SIRT1: variants seen among roughly 807,000 people sequenced by gnomAD.
SIRT1 encodes sirtuin 1, also known as NAD-dependent protein deacetylase sirtuin-1.
In SIRT1, 24 loss-of-function variants were observed where a neutral mutation model predicts 67.9. The ratio of observed to expected loss-of-function variants is 0.35; its 90% CI spans 0.26 to 0.50. The LOEUF (loss-of-function observed/expected upper bound fraction) is 0.50, where lower values mean the gene tolerates loss of function less well. Among genes scored for constraint, SIRT1 ranks in the 20% least tolerant of loss-of-function variants. The pLI is 0.98. For synonymous variants in SIRT1, 378 were observed against 350.7 expected, an observed-to-expected ratio of 1.08 and a Z score of -0.87; for missense variants, 873 against 937.2, an observed-to-expected ratio of 0.93 and a Z score of 0.89.
At chr10:67,915,878 AATTT>A (rs2029893360) in intron 8 of SIRT1, among the ~76,000 whole-genome samples, 2 of 152,182 alleles carry the variant, frequency 1.3e-5, no homozygotes, top group Admixed American at 6.5e-5. Context: ...GGGTTGTGAA[AATTT>A]ATTTCATATT....
intron 6 of SIRT1, 94 bp downstream of exon 6, chr10:67,908,219 T>C: frequency 1.0e-6 from 1 of 1,000,080 alleles, no homozygotes; most frequent in Admixed American, 2.3e-5. Context: ...AAAGTATATA[T>C]GGTACAGAAA....
At chr10:67,887,813 T>TCCC (rs1842509590) in intron 2 of SIRT1, among the ~76,000 whole-genome samples, 1 of 152,212 alleles carries the variant, frequency 6.6e-6, no homozygotes, top group African/African-American at 2.4e-5. Context: ...CGACCTCAGG[T>TCCC]GATCCGTCCG....
chr10:67,884,762 C>T lies in SIRT1; in HGVS notation c.41C>T (p.Ser14Phe), dbSNP rs1842447601. The change falls in exon 1 of 9, where the codon TCC becomes TTC. Residue 14 changes from serine to phenylalanine, a missense_variant. Coordinates refer to ENST00000212015, the MANE Select transcript of SIRT1 (RefSeq NM_012238.5). ...GCCCTCGCCCTTCAGCCCGGCGGCT[C>T]CCCCTCGGCGGCGGGGGCCGACAGG... Reference protein sequence around the residue: ...EAALALQPGGSPSAAGADREA... With the variant: ...EAALALQPGGFPSAAGADREA... The T allele has an allele frequency of 6.5e-6, 8 of 1,228,440 alleles. No individual in the cohort carries two copies. The highest frequency in any genetic ancestry group is 3.1e-4 in the Middle Eastern group (1 of 3,200). The allele number at this position is 1,228,440 out of a possible 1,614,324, so 76.1% of individuals were successfully genotyped here. A position where few individuals can be genotyped will look rare whatever the true frequency, so the allele number is the denominator to read the frequency against.
rs560035440 is a variant in SIRT1, at chr10:67,884,717, G to A, written c.-5G>A. 6 of 1,228,990 alleles carry A rather than the reference G, an allele frequency of 4.9e-6. No homozygotes were observed. The highest frequency in any genetic ancestry group is 4.1e-5 in the South Asian group (1 of 24,162). 76.1% of individuals were successfully genotyped at this position (1,228,990 alleles called of 1,614,324 possible). On this transcript the variant is annotated 5_prime_UTR_variant, in exon 1 of 9. Transcript: ENST00000212015. ...AGGGAGGAGGGCCAGAGAGGCAGTT[G>A]GAAGATGGCGGACGAGGCGGCCCTC...
rs144385621 is a variant in SIRT1, at chr10:67,910,842, A to C, written c.1357+1400A>C. Among the ~76,000 whole-genome samples, 3 of 152,252 alleles carry C rather than the reference A, an allele frequency of 2.0e-5. 1 individual carries two copies. The highest frequency in any genetic ancestry group is 7.2e-5 in the African/African-American group (3 of 41,552). ...TCCTCTAGTTTAGAATCAGAGGAGG[A>C]GAGAGAGAGATTTCAGTTGCATCAG... On this transcript the variant is annotated intron_variant, in intron 7 of 8. Coordinates refer to ENST00000212015, the MANE Select transcript of SIRT1 (RefSeq NM_012238.5).
Position 67,916,319 on chromosome 10 carries a change from T to A in SIRT1, c.1970T>A (p.Val657Glu). ...PNRYIFHGAE[V>E]YSDSEDDVLS... is the part of the protein sequence containing the mutation. ...CGTTACATTTTCCATGGCGCTGAGG[T>A]ATATTCAGACTCTGAAGATGACGTC... Residue 657 changes from valine to glutamate, a missense_variant, in exon 9 of 9, where the codon GTA (valine) becomes GAA (glutamate). By Grantham distance (121) the Val-to-Glu change is moderately radical. Around this residue, in one of 3 missense-constraint regions of SIRT1, gnomAD observed 295 missense variants for 294.5 expected, o/e 1.00. Transcript: ENST00000212015. The A allele has an allele frequency of 1.2e-6, 2 of 1,613,362 alleles. No individual in the cohort carries two copies. Among genetic ancestry groups the A allele is most frequent in the Non-Finnish European group, 1.7e-6 (2 of 1,179,280 alleles).
Position 67,912,621 on chromosome 10 carries a change from G to A in SIRT1, c.1505G>A (p.Cys502Tyr), listed in dbSNP as rs150099719. 6.2e-7 allele frequency: 1 copy of A among 1,613,960 alleles called. No individual in the cohort carries two copies. The highest frequency in any genetic ancestry group is 1.3e-5 in the African/African-American group (1 of 74,904). The change falls in exon 8 of 9, where the codon TGT (cysteine) becomes TAT (tyrosine). Residue 502 changes from cysteine to tyrosine, a missense_variant. By Grantham distance (194) the Cys-to-Tyr change is radical. This residue lies in a region of SIRT1 where 295 missense variants were observed against 294.5 expected (regional missense o/e 1.00). Transcript: ENST00000212015. ...GGTGGTGAATATGCCAAACTTTGCT[G>A]TAACCCTGTAAAGCTTTCAGAAATT... Reference protein sequence around the residue: ...RLGGEYAKLCCNPVKLSEITE... With the variant: ...RLGGEYAKLCYNPVKLSEITE...
In SIRT1 at chr10:67,887,417, A is replaced by G. The variant is rs142378619; in HGVS notation, c.431A>G (p.Asp144Gly). 1 of 1,608,264 alleles carries G rather than the reference A, an allele frequency of 6.2e-7. No homozygotes were observed. ...TTGACTGACTTGGTTTCTTTTGCAG[A>G]TAACCTTCTGTTCGGTGATGAAATT... ...EAAAAAIGYR[D>G]NLLFGDEIIT... The change falls in exon 2 of 9, where the codon GAT (aspartate) becomes GGT (glycine). Residue 144 changes from aspartate to glycine, a missense_variant and splice_region_variant. Asp to Gly is a moderately conservative substitution (Grantham distance 94). Coordinates refer to ENST00000212015, the MANE Select transcript of SIRT1 (RefSeq NM_012238.5).
At chr10:67,890,201 G>T (rs1223506340) in intron 3 of SIRT1, among the ~76,000 whole-genome samples, 3 of 151,830 alleles carry the variant, frequency 2.0e-5, no homozygotes, top group African/African-American at 7.3e-5. Context: ...GATTACAGGC[G>T]CACACCACCA....
chr10:67,892,806 T>A (rs1192346392), intron 4 of SIRT1, among the ~76,000 whole-genome samples: 2 of 152,152 alleles, frequency 1.3e-5, no homozygotes, highest in Non-Finnish European at 2.9e-5. Context: ...TTCACCAGGT[T>A]GGCCAGGCTG....
intron 4 of SIRT1, among the ~76,000 whole-genome samples, chr10:67,898,673 C>G (rs1382982034): frequency 1.3e-5 from 2 of 152,086 alleles, no homozygotes; most frequent in Non-Finnish European, 2.9e-5. Context: ...ACATTTTTAG[C>G]ATAAAATTTG....
chr10:67,891,329 A>G (rs1842570396), intron 3 of SIRT1, 73 bp from the exon 4 acceptor site: 19 of 1,330,162 alleles, frequency 1.4e-5, no homozygotes, highest in Non-Finnish European at 1.8e-5. Flanking sequence ...ACCTAATTAT[A>G]TGGTAAGAGA....
chr10:67,893,183 A>G (rs564726672), intron 4 of SIRT1, among the ~76,000 whole-genome samples: 10 of 152,330 alleles, frequency 6.6e-5, no homozygotes, highest in African/African-American at 2.4e-4. Flanking sequence ...GAATGCGCAG[A>G]TTTGTTAACA....
rs1047634488 is a variant in SIRT1, at chr10:67,917,535, T to C, written c.*942T>C. 2 of 152,652 alleles carry C rather than the reference T, an allele frequency of 1.3e-5. No individual in the cohort carries two copies. The highest frequency in any genetic ancestry group is 2.4e-5 in the African/African-American group (1 of 41,454). The allele number at this position is 152,652 out of a possible 1,614,324, so 9.5% of individuals were successfully genotyped here. A position where few individuals can be genotyped will look rare whatever the true frequency, so the allele number is the denominator to read the frequency against. On this transcript the variant is annotated 3_prime_UTR_variant, in exon 9 of 9. Coordinates refer to ENST00000212015, the MANE Select transcript of SIRT1 (RefSeq NM_012238.5). Reference sequence around the variant, plus strand: ...CTTTCTGAATCTATAATAATGGTACTTCTACTGGGGAGAGTGTAATATTTT... The same window carrying C: ...CTTTCTGAATCTATAATAATGGTACCTCTACTGGGGAGAGTGTAATATTTT...
At chr10:67,897,717 C>G (rs1167024569) in intron 4 of SIRT1, among the ~76,000 whole-genome samples, 1 of 151,734 alleles carries the variant, frequency 6.6e-6, no homozygotes, top group Non-Finnish European at 1.5e-5. Context: ...ACGCTGGTCT[C>G]GAACTCCTGA....
chr10:67,905,185 G>A (rs1467448736), intron 4 of SIRT1, among the ~76,000 whole-genome samples: 1 of 152,176 alleles, frequency 6.6e-6, no homozygotes, highest in African/African-American at 2.4e-5. Context: ...TACTCTAAAA[G>A]CTATTTCCAG....
chr10:67,915,256 T>C (rs1435592999), intron 8 of SIRT1, among the ~76,000 whole-genome samples: 2 of 152,194 alleles, frequency 1.3e-5, no homozygotes, highest in Non-Finnish European at 2.9e-5. Flanking sequence ...AACCAGGCTT[T>C]TGAGAATTCG....
Position 67,884,904 on chromosome 10 carries a change from GGCGGCGGCCAGGGGCTGCCCGGGT to G in SIRT1, c.192_215del (p.Arg65_Ala72del), listed in dbSNP as rs550763057. On this transcript the variant is annotated inframe_deletion, in exon 1 of 9. Coordinates refer to ENST00000212015, the MANE Select transcript of SIRT1 (RefSeq NM_012238.5). ...GGGCGGCCCCAGAGCGTGAGGTGCCGGCGGCGGCCAGGGGCTGCCCGGGTGCGGCGGCGGCGGCGCTGTGGCGGG... is the reference window on the plus strand; with the variant it reads ...GGGCGGCCCCAGAGCGTGAGGTGCCGGCGGCGGCGGCGGCGCTGTGGCGGG... 4.9e-4 allele frequency: 603 copies of G among 1,222,776 alleles called. No individual in the cohort carries two copies. In the African/African-American group the frequency reaches 8.7e-3, roughly 18 times the overall value. The allele number at this position is 1,222,776 out of a possible 1,614,324, so 75.7% of individuals were successfully genotyped here.
At position 67,916,476 on chromosome 10, in the gene SIRT1, A is replaced by G; in HGVS notation, c.2127A>G (p.Pro709=). 6 of 1,614,186 alleles carry G rather than the reference A, an allele frequency of 3.7e-6. No individual in the cohort carries two copies. The highest frequency in any genetic ancestry group is 5.1e-6 in the Non-Finnish European group (6 of 1,180,028). Residue 709 remains proline, a synonymous_variant, in exon 9 of 9, where the codon CCA becomes CCG. Transcript: ENST00000212015. ...YNGLEDEPDV[P]ERAGGAGFGT... is the part of the protein sequence containing the mutation. Reference sequence around the variant, plus strand: ...GCTTAGAAGATGAGCCTGATGTTCCAGAGAGAGCTGGAGGAGCTGGATTTG... The same window carrying G: ...GCTTAGAAGATGAGCCTGATGTTCCGGAGAGAGCTGGAGGAGCTGGATTTG...
Sources: allele counts gnomAD v4.1 joint callset (sites outside exome capture counted in the v4.1 genomes callset), GRCh38; gene constraint gnomAD v4.1.1; regional missense constraint gnomAD v4.1.1; transcripts MANE v1.5; gene names NCBI Gene and HGNC (gene_info 2026-07-23, HGNC 2026-07-21).